The following NEK10 variants were observed in gnomAD, a reference collection of about 807,000 sequenced individuals.
The protein encoded by NEK10 is NIMA related kinase 10, also known as serine/threonine-protein kinase Nek10.
NEK10 carries 122 observed loss-of-function variants against 159.8 expected under a neutral mutation model. That is an observed-to-expected ratio of 0.76 (90% CI 0.66 to 0.89). NEK10 has a LOEUF of 0.89. NEK10 is among the 40% of genes least tolerant of loss of function. The pLI is 0.00. For synonymous variants in NEK10, 466 were observed against 457.1 expected (o/e 1.02, Z -0.25); for missense variants, 1,342 against 1,323.1 (o/e 1.01, Z -0.22).
chr3:27,174,511 C>T lies in NEK10; in HGVS notation c.2704G>A (p.Val902Ile). ...TCCGAAATGTCCAATTCATCATCTA[C>T]CTCTGAATATGTATCTGCACATTAA... Reference protein sequence around the residue: ...ENAEKDTYSEVDDELDISDNS... With the variant: ...ENAEKDTYSEIDDELDISDNS... The change falls in exon 28 of 36, where the codon GTA becomes ATA. Residue 902 changes from valine to isoleucine, a missense_variant. By Grantham distance (29) the Val-to-Ile change is conservative. Coordinates refer to ENST00000691995, the MANE Select transcript of NEK10 (RefSeq NM_001394966.1). 1.2e-6 allele frequency: 2 copies of T among 1,611,624 alleles called. No individual in the cohort carries two copies. Among genetic ancestry groups the T allele is most frequent in the South Asian group, 1.1e-5 (1 of 90,730 alleles).
At chr3:27,320,057 G>T (rs2045508493) in intron 6 of NEK10, among the ~76,000 whole-genome samples, 1 of 152,214 alleles carries the variant, frequency 6.6e-6, no homozygotes, top group African/African-American at 2.4e-5. Flanking sequence ...GGCACCTCAA[G>T]ATGTTAAACA....
At chr3:27,208,732 G>T (rs1308721612) in intron 23 of NEK10, among the ~76,000 whole-genome samples, 1 of 152,118 alleles carries the variant, frequency 6.6e-6, no homozygotes, top group East Asian at 1.9e-4. Context: ...CATCAATTTG[G>T]AATATATTAA....
chr3:27,161,223 C>T (rs1310852349), intron 30 of NEK10, among the ~76,000 whole-genome samples: 1 of 152,156 alleles, frequency 6.6e-6, no homozygotes, highest in Non-Finnish European at 1.5e-5. Flanking sequence ...CAATTAATAA[C>T]AATCATCTTA....
In NEK10 at chr3:27,290,601, C is replaced by A; in HGVS notation, c.1743+16G>T. 1 of 1,559,196 alleles carries A rather than the reference C, an allele frequency of 6.4e-7. No homozygotes were observed. The highest frequency in any genetic ancestry group is 8.7e-7 in the Non-Finnish European group (1 of 1,151,260). On this transcript the variant is annotated intron_variant, in intron 19 of 35. Coordinates refer to ENST00000691995, the MANE Select transcript of NEK10 (RefSeq NM_001394966.1). ...TATTTAAGAAAAACATCTTCAGAAA[C>A]AAGGAAAACATTTACCTGCTCTTTA...
rs1028417391 is a variant in NEK10, at chr3:27,308,183, G to A, written c.717-238C>T. 9.2e-5 allele frequency among the ~76,000 whole-genome samples: 14 copies of A among 152,228 alleles called. No homozygotes were observed. In the South Asian group the frequency reaches 1.0e-3, roughly 11 times the overall value. On this transcript the variant is annotated intron_variant, in intron 10 of 35. Coordinates refer to ENST00000691995, the MANE Select transcript of NEK10 (RefSeq NM_001394966.1). Reference sequence around the variant, plus strand: ...CAAGGCAGCAGGAAGGATAAGTGCCGAGCCAAGGGGGAAGAGCCCCTTATA... The same window carrying A: ...CAAGGCAGCAGGAAGGATAAGTGCCAAGCCAAGGGGGAAGAGCCCCTTATA...
intron 32 of NEK10, among the ~76,000 whole-genome samples, chr3:27,120,113 T>C (rs1003191231): frequency 6.6e-6 from 1 of 152,138 alleles, no homozygotes; most frequent in African/African-American, 2.4e-5. Flanking sequence ...AAATATACTT[T>C]ATGGCCTTAT....
At chr3:27,280,927 G>GTA (rs1295481513) in intron 22 of NEK10, among the ~76,000 whole-genome samples, 1 of 145,426 alleles carries the variant, frequency 6.9e-6, no homozygotes, top group Non-Finnish European at 1.5e-5. Flanking sequence ...GTGTGTGTGT[G>GTA]TGTGTGTGTG....
At chr3:27,241,441 G>A (rs1001960714) in intron 23 of NEK10, among the ~76,000 whole-genome samples, 4 of 152,108 alleles carry the variant, frequency 2.6e-5, no homozygotes, top group African/African-American at 9.7e-5. Context: ...AACATGATGA[G>A]CCTGAAGTGC....
intron 9 of NEK10, chr3:27,310,668 G>A (rs2044620028): frequency 1.3e-5 from 4 of 298,768 alleles, no homozygotes; most frequent in Non-Finnish European, 1.8e-5. Context: ...TACATAGCTG[G>A]GGCTTTTCAA....
At chr3:27,157,291 C>T (rs955174643) in intron 30 of NEK10, among the ~76,000 whole-genome samples, 3 of 151,312 alleles carry the variant, frequency 2.0e-5, no homozygotes, top group Non-Finnish European at 4.4e-5. Context: ...GAATTGTACC[C>T]CAATAACTTA....
At chr3:27,247,946 G>T (rs1281215192) in intron 23 of NEK10, among the ~76,000 whole-genome samples, 4 of 151,444 alleles carry the variant, frequency 2.6e-5, no homozygotes, top group African/African-American at 7.3e-5. Flanking sequence ...TGTAGGATTG[G>T]TATTAGTTAT....
intron 4 of NEK10, among the ~76,000 whole-genome samples, chr3:27,344,876 C>T (rs1014435451): frequency 2.0e-5 from 3 of 152,118 alleles, no homozygotes; most frequent in Non-Finnish European, 4.4e-5. Flanking sequence ...ACAGTTTATG[C>T]ACCTTCAGCC....
At chr3:27,137,498 AAAGTT>A (rs1207572471) in intron 31 of NEK10, among the ~76,000 whole-genome samples, 1 of 152,230 alleles carries the variant, frequency 6.6e-6, no homozygotes, top group African/African-American at 2.4e-5. Context: ...CCGTAACACT[AAAGTT>A]AAGAATGCTT....
intron 30 of NEK10, among the ~76,000 whole-genome samples, chr3:27,159,460 A>G (rs1241863339): frequency 6.6e-6 from 1 of 152,208 alleles, no homozygotes; most frequent in East Asian, 1.9e-4. Flanking sequence ...TATAGTTCTC[A>G]GACATAGGCA....
intron 23 of NEK10, among the ~76,000 whole-genome samples, chr3:27,219,805 A>G (rs1180546370): frequency 2.6e-5 from 4 of 152,236 alleles, no homozygotes; most frequent in Non-Finnish European, 5.9e-5. Flanking sequence ...TGCAGGTGCT[A>G]TGATATTTTG....
intron 5 of NEK10, among the ~76,000 whole-genome samples, chr3:27,336,019 A>C (rs1317825737): frequency 6.6e-6 from 1 of 152,202 alleles, no homozygotes. Flanking sequence ...TCAGAGCAGA[A>C]TTAAACAAAA....
chr3:27,126,099 A>T (rs976555744), intron 32 of NEK10, among the ~76,000 whole-genome samples: 1 of 152,180 alleles, frequency 6.6e-6, no homozygotes. Flanking sequence ...TTATATGCAT[A>T]AAGAGCCGTT....
chr3:27,349,074 C>A (rs1342782906), intron 3 of NEK10, among the ~76,000 whole-genome samples: 1 of 152,008 alleles, frequency 6.6e-6, no homozygotes, highest in Non-Finnish European at 1.5e-5. Flanking sequence ...TCCCATGGGT[C>A]ACGGAAGGGG....
chr3:27,159,974 T>C (rs918348337), intron 30 of NEK10, among the ~76,000 whole-genome samples: 4 of 151,450 alleles, frequency 2.6e-5, no homozygotes, highest in African/African-American at 9.7e-5. Flanking sequence ...AATTCTCCCC[T>C]TTCTGCTTTT....
Sources: gnomAD v4.1 joint callset for allele counts (sites outside exome capture counted in the v4.1 genomes callset) on GRCh38, gnomAD v4.1.1 for gene constraint, MANE v1.5 for transcripts, NCBI Gene and HGNC (gene_info 2026-07-23, HGNC 2026-07-21) for gene names.